NRG3: variants seen among roughly 807,000 people sequenced by gnomAD.
The protein encoded by NRG3 is pro-neuregulin-3, membrane-bound isoform.
In NRG3, 31 loss-of-function variants were observed where a neutral mutation model predicts 66.9. The observed-to-expected ratio is 0.46, with a 90% CI of 0.35 to 0.63. The LOEUF is 0.63. Among genes scored for constraint, NRG3 ranks in the 20% least tolerant of loss-of-function variants. NRG3 has a pLI of 0.00. For synonymous variants in NRG3, 393 were observed against 359.4 expected, an observed-to-expected ratio of 1.09 and a Z score of -1.06; for missense variants, 910 against 878.9, an observed-to-expected ratio of 1.04 and a Z score of -0.45.
At chr10:82,295,135 C>T (rs1158231520) in intron 1 of NRG3, among the ~76,000 whole-genome samples, 1 of 152,102 alleles carries the variant, frequency 6.6e-6, no homozygotes, top group African/African-American at 2.4e-5. Context: ...TGCACATGAC[C>T]TTGGTCTGTT....
At chr10:82,954,466 C>T (rs558835113) in intron 5 of NRG3, among the ~76,000 whole-genome samples, 2 of 151,916 alleles carry the variant, frequency 1.3e-5, no homozygotes, top group Admixed American at 6.5e-5. Flanking sequence ...TTAGGGTAGG[C>T]TCAGAGGACT....
chr10:82,173,517 A>G (rs922969208), intron 1 of NRG3, among the ~76,000 whole-genome samples: 1 of 152,138 alleles, frequency 6.6e-6, no homozygotes, highest in Non-Finnish European at 1.5e-5. Context: ...TATAGCAAAG[A>G]CATGCACACA....
intron 2 of NRG3, among the ~76,000 whole-genome samples, chr10:82,465,127 G>A (rs1840553607): frequency 6.6e-6 from 1 of 152,188 alleles, no homozygotes; most frequent in Non-Finnish European, 1.5e-5. Context: ...ACACCAGAGT[G>A]GCTGCAAGGC....
At chr10:82,169,306 G>A (rs2072366624) in intron 1 of NRG3, among the ~76,000 whole-genome samples, 1 of 151,916 alleles carries the variant, frequency 6.6e-6, no homozygotes, top group Admixed American at 6.6e-5. Flanking sequence ...TTTTTCAAGA[G>A]TGGCTATCTT....
intron 2 of NRG3, among the ~76,000 whole-genome samples, chr10:82,702,404 A>G (rs2055955529): frequency 6.6e-6 from 1 of 152,230 alleles, no homozygotes; most frequent in Admixed American, 6.5e-5. Context: ...ATAATTACCA[A>G]AGAATTTTCC....
intron 1 of NRG3, among the ~76,000 whole-genome samples, chr10:81,971,332 A>G (rs1027534066): frequency 1.3e-5 from 2 of 152,222 alleles, no homozygotes; most frequent in Non-Finnish European, 2.9e-5. Context: ...TATGGGTGGT[A>G]TAGAAGATGT....
chr10:82,394,742 G>A (rs183689123), intron 2 of NRG3, among the ~76,000 whole-genome samples: 1 of 152,240 alleles, frequency 6.6e-6, no homozygotes, highest in Admixed American at 6.5e-5. Context: ...AATTAATGTG[G>A]TTTGTCATAA....
At chr10:82,253,060 G>A (rs537567607) in intron 1 of NRG3, among the ~76,000 whole-genome samples, 7 of 152,088 alleles carry the variant, frequency 4.6e-5, no homozygotes, top group Admixed American at 1.3e-4. Context: ...CACCTTCTTC[G>A]CTTCGTCTAA....
intron 2 of NRG3, among the ~76,000 whole-genome samples, chr10:82,592,214 G>A (rs1376242188): frequency 6.6e-6 from 1 of 152,190 alleles, no homozygotes; most frequent in Non-Finnish European, 1.5e-5. Context: ...CAGTGGGCAG[G>A]AAGATAGGGG....
chr10:82,080,581 A>C (rs961818747), intron 1 of NRG3, among the ~76,000 whole-genome samples: 4 of 152,066 alleles, frequency 2.6e-5, no homozygotes, highest in African/African-American at 9.7e-5. Context: ...ATCTCTTGCC[A>C]AATGTTTTGC....
At chr10:82,074,151 A>G (rs1018768930) in intron 1 of NRG3, among the ~76,000 whole-genome samples, 2 of 151,710 alleles carry the variant, frequency 1.3e-5, no homozygotes, top group South Asian at 2.1e-4. Context: ...GAGATGGCCA[A>G]TGTGAAAAGA....
At chr10:82,752,615 T>G (rs2058914416) in intron 3 of NRG3, among the ~76,000 whole-genome samples, 1 of 152,198 alleles carries the variant, frequency 6.6e-6, no homozygotes, top group African/African-American at 2.4e-5. Context: ...TGCTATGGTC[T>G]GAATGTTAAT....
intron 3 of NRG3, among the ~76,000 whole-genome samples, chr10:82,746,716 G>T (rs942834136): frequency 6.6e-6 from 1 of 152,026 alleles, no homozygotes; most frequent in African/African-American, 2.4e-5. Context: ...TCATTATATT[G>T]ACATCTTAAT....
At chr10:82,314,536 C>T (rs999807547) in intron 1 of NRG3, among the ~76,000 whole-genome samples, 18 of 152,276 alleles carry the variant, frequency 1.2e-4, no homozygotes, top group African/African-American at 3.4e-4. Context: ...AGGCCAGGCA[C>T]AGTGGCTCAC....
At chr10:82,605,342 A>G (rs1218268452) in intron 2 of NRG3, among the ~76,000 whole-genome samples, 1 of 152,018 alleles carries the variant, frequency 6.6e-6, no homozygotes, top group African/African-American at 2.4e-5. Context: ...TATAATCATA[A>G]GATTTTTTCC....
intron 1 of NRG3, among the ~76,000 whole-genome samples, chr10:82,217,499 G>A (rs1456346646): frequency 3.9e-5 from 6 of 152,148 alleles, no homozygotes; most frequent in African/African-American, 1.4e-4. Flanking sequence ...TCCACCTAAT[G>A]CTTGAGAAGC....
At chr10:82,741,569 CT>C (rs2134790477) in intron 3 of NRG3, among the ~76,000 whole-genome samples, 1 of 152,300 alleles carries the variant, frequency 6.6e-6, no homozygotes, top group African/African-American at 2.4e-5. Context: ...GTGCCAAAGG[CT>C]TTACATGGAT....
intron 2 of NRG3, among the ~76,000 whole-genome samples, chr10:82,662,255 G>C (rs1454552843): frequency 2.0e-5 from 3 of 151,976 alleles, no homozygotes; most frequent in Non-Finnish European, 2.9e-5. Context: ...GTGGGTTGGG[G>C]GCAAGAAGTG....
chr10:82,953,710 G>A (rs531430170), intron 5 of NRG3, among the ~76,000 whole-genome samples: 1 of 152,016 alleles, frequency 6.6e-6, no homozygotes, highest in South Asian at 2.1e-4. Context: ...GGTGACTCAT[G>A]CCTGTAATCC....
Sources: allele counts gnomAD v4.1 joint callset (sites outside exome capture counted in the v4.1 genomes callset), GRCh38; gene constraint gnomAD v4.1.1; transcripts MANE v1.5; gene names NCBI Gene and HGNC (gene_info 2026-07-23, HGNC 2026-07-21).